PPP2R2C: variants seen among roughly 807,000 people sequenced by gnomAD.
PPP2R2C encodes the protein protein phosphatase 2, regulatory subunit B, gamma.
A neutral mutation model predicts 45.3 loss-of-function variants in PPP2R2C; 10 were observed. That is an observed-to-expected ratio of 0.22 (90% CI 0.14 to 0.37). PPP2R2C has a LOEUF of 0.37. Ranked by LOEUF, PPP2R2C falls within the 10% of genes least tolerant of loss-of-function variation. The pLI is 1.00. For synonymous variants in PPP2R2C, 257 were observed against 245.4 expected (o/e 1.05, Z -0.44); for missense variants, 308 against 619.7 (o/e 0.50, Z 5.34).
At chr4:6,365,356 T>C (rs768603903) in intron 5 of PPP2R2C, among the ~76,000 whole-genome samples, 2 of 152,122 alleles carry the variant, frequency 1.3e-5, no homozygotes, top group Non-Finnish European at 2.9e-5. Context: ...CTCTGTAAAT[T>C]AGCACCAAGG....
chr4:6,356,317 C>T (rs1292553338), intron 5 of PPP2R2C, among the ~76,000 whole-genome samples: 1 of 152,210 alleles, frequency 6.6e-6, no homozygotes, highest in Non-Finnish European at 1.5e-5. Context: ...TCATCCAATC[C>T]CCTCTGCCTT....
intron 2 of PPP2R2C, among the ~76,000 whole-genome samples, chr4:6,489,107 G>A (rs77911639): frequency 0.023 from 3,544 of 152,188 alleles, 77 homozygotes; most frequent in East Asian, 0.063. Flanking sequence ...CTTTCAACTC[G>A]GGGGTTCCAG....
rs1049521789 is a variant in PPP2R2C at position 6,354,861 on chromosome 4, T to C, written c.626-6851A>G. On this transcript the variant is annotated intron_variant, in intron 5 of 8. Transcript: ENST00000382599. ...GGCCCCATTGCCCCTTAGAAGAAGC[T>C]GCAGGTTGTGCGCACGGAGGAGGTG... is the stretch of plus-strand genomic sequence containing the variant. 3.3e-5 allele frequency among the ~76,000 whole-genome samples: 5 copies of C among 152,132 alleles called. No homozygotes were observed. In the East Asian group the frequency reaches 9.7e-4, roughly 29 times the overall value.
In PPP2R2C at chr4:6,333,735, T is replaced by C. The variant is rs1416775349; in HGVS notation, c.791-4A>G. On this transcript the variant is annotated splice_region_variant and splice_polypyrimidine_tract_variant and intron_variant, in intron 6 of 8. Coordinates refer to ENST00000382599, the MANE Select transcript of PPP2R2C (RefSeq NM_020416.4). ...GGGTCCTCAGGCTCTTCAAAGACTG[T>C]GGAGACAGAGAAGCAATGGCCGTCA... The C allele has an allele frequency of 1.9e-6, 3 of 1,613,964 alleles. No homozygotes were observed. The East Asian group carries it at 6.7e-5, about 36-fold the overall frequency.
chr4:6,414,070 CTGTGTATGTG>C lies in PPP2R2C; in HGVS notation c.71-32986_71-32977del, dbSNP rs1553896125. 7,126 of 1,200,608 alleles carry C rather than the reference CTGTGTATGTG, an allele frequency of 5.9e-3. 361 individuals are homozygous for C. The highest frequency in any genetic ancestry group is 0.042 in the African/African-American group (2,380 of 56,134). 74.4% of individuals were successfully genotyped at this position (1,200,608 alleles called of 1,614,324 possible). ...CATGGGACAGTAACATAAGTTTTGC[CTGTGTATGTG>C]TGTGTGTGTGTGTGTGTGTGTGTGT... On this transcript the variant is annotated intron_variant, in intron 1 of 8. Coordinates refer to ENST00000382599, the MANE Select transcript of PPP2R2C (RefSeq NM_020416.4).
chr4:6,375,726 G>T, intron 4 of PPP2R2C, 93 bp downstream of exon 4: 1 of 1,124,012 alleles, frequency 8.9e-7, no homozygotes, highest in South Asian at 1.5e-5. Flanking sequence ...GTCTGCACCT[G>T]ACTCTGGCTC....
intron 1 of PPP2R2C, among the ~76,000 whole-genome samples, chr4:6,536,867 T>C (rs1166203254): frequency 6.6e-6 from 1 of 152,184 alleles, no homozygotes; most frequent in Non-Finnish European, 1.5e-5. Flanking sequence ...GCTAAGCAAC[T>C]GTTGAACAGG....
intron 2 of PPP2R2C, among the ~76,000 whole-genome samples, chr4:6,490,233 G>C (rs1363371932): frequency 6.6e-6 from 1 of 152,122 alleles, no homozygotes. Flanking sequence ...AGGTTCCTGG[G>C]AGCGCTCATC....
At chr4:6,323,627 G>C (rs185216463) in intron 8 of PPP2R2C, 34 bp from the exon 9 acceptor site, 3 of 1,505,058 alleles carry the variant, frequency 2.0e-6, no homozygotes, top group Non-Finnish European at 2.7e-6. Flanking sequence ...AGGTGAGGAG[G>C]AGCACAAGCC....
intron 2 of PPP2R2C, among the ~76,000 whole-genome samples, chr4:6,482,701 C>T (rs1179835788): frequency 6.6e-6 from 1 of 152,190 alleles, no homozygotes; most frequent in Non-Finnish European, 1.5e-5. Flanking sequence ...ACAATTTTGG[C>T]TTTTCCTTGC....
In PPP2R2C at chr4:6,344,190, G is replaced by A. The variant is rs886183768; in HGVS notation, c.790+3656C>T. On this transcript the variant is annotated intron_variant, in intron 6 of 8. Transcript: ENST00000382599. ...GCACCTCGGCCTGCCAGAGCCTTCTGGAACCTCAGTGCAATCCGGAGAGGA... is the reference window on the plus strand; with the variant it reads ...GCACCTCGGCCTGCCAGAGCCTTCTAGAACCTCAGTGCAATCCGGAGAGGA... Among the ~76,000 whole-genome samples, 16 of 152,356 alleles carry A rather than the reference G, an allele frequency of 1.1e-4. No individual in the cohort carries two copies. The East Asian group carries it at 1.3e-3, about 13-fold the overall frequency.
At chr4:6,521,639 G>T (rs904640378) in intron 2 of PPP2R2C, among the ~76,000 whole-genome samples, 3 of 152,014 alleles carry the variant, frequency 2.0e-5, no homozygotes, top group Non-Finnish European at 2.9e-5. Flanking sequence ...CTCCTCCCTC[G>T]AGGTGATGTG....
chr4:6,535,456 G>A (rs1031282134), intron 1 of PPP2R2C: 167 of 978,054 alleles, frequency 1.7e-4, no homozygotes, highest in Middle Eastern at 4.3e-4. Flanking sequence ...CACATGCAAC[G>A]CGAGCACCGC....
chr4:6,526,722 A>G (rs1442831245), intron 2 of PPP2R2C, among the ~76,000 whole-genome samples: 15 of 152,152 alleles, frequency 9.9e-5, no homozygotes, highest in Admixed American at 3.9e-4. Flanking sequence ...CAGCGACCCA[A>G]TTGGAGGAAG....
At chr4:6,415,237 G>A (rs1042543968) in intron 1 of PPP2R2C, among the ~76,000 whole-genome samples, 3 of 152,206 alleles carry the variant, frequency 2.0e-5, no homozygotes, top group South Asian at 2.1e-4. Context: ...TGTTACAGCC[G>A]GCCTGGGGGC....
intron 1 of PPP2R2C, among the ~76,000 whole-genome samples, chr4:6,451,683 T>C (rs1000463489): frequency 3.9e-5 from 6 of 152,086 alleles, no homozygotes; most frequent in African/African-American, 1.4e-4. Context: ...GTGTGGAGGT[T>C]TGGGGATGGC....
intron 1 of PPP2R2C, among the ~76,000 whole-genome samples, chr4:6,392,839 C>G (rs1716751508): frequency 1.3e-5 from 2 of 152,162 alleles, no homozygotes; most frequent in South Asian, 2.1e-4. Context: ...TGTGCCCAGC[C>G]CATGCCTCAC....
intron 2 of PPP2R2C, among the ~76,000 whole-genome samples, chr4:6,512,982 A>C (rs995990782): frequency 3.3e-5 from 5 of 152,154 alleles, no homozygotes; most frequent in African/African-American, 1.2e-4. Flanking sequence ...GATAAAAAAA[A>C]ATACTTCACT....
intron 2 of PPP2R2C, among the ~76,000 whole-genome samples, chr4:6,479,291 C>T (rs1046196293): frequency 3.9e-5 from 6 of 152,182 alleles, no homozygotes; most frequent in African/African-American, 1.4e-4. Context: ...CCCCAGGTCC[C>T]AGGACCAAGC....
Sources: allele counts gnomAD v4.1 joint callset (sites outside exome capture counted in the v4.1 genomes callset), GRCh38; gene constraint gnomAD v4.1.1; transcripts MANE v1.5; gene names NCBI Gene and HGNC (gene_info 2026-07-23, HGNC 2026-07-21).